RABGAP1: variants seen among roughly 807,000 people sequenced by gnomAD.
RABGAP1 encodes rab GTPase-activating protein 1.
In RABGAP1, 23 loss-of-function variants were observed where a neutral mutation model predicts 137.6. That is an observed-to-expected ratio of 0.17 (90% CI 0.12 to 0.24). RABGAP1 has a LOEUF of 0.24. Among genes scored for constraint, RABGAP1 ranks in the 10% least tolerant of loss-of-function variants. RABGAP1 has a pLI of 1.00. For missense variants in RABGAP1, 906 were observed against 1,275.8 expected, an observed-to-expected ratio of 0.71 and a Z score of 4.42; for synonymous variants, 451 against 450.7, an observed-to-expected ratio of 1.00 and a Z score of -0.01.
chr9:123,065,570 C>A, intron 14 of RABGAP1, 109 bp downstream of exon 14: 1 of 856,076 alleles, frequency 1.2e-6, no homozygotes, highest in East Asian at 2.6e-5. Flanking sequence ...TTCAAGAATT[C>A]CAAAAAGAGA....
At chr9:123,017,515 A>G (rs116128854) in intron 12 of RABGAP1, among the ~76,000 whole-genome samples, 211 of 152,180 alleles carry the variant, frequency 1.4e-3, no homozygotes, top group African/African-American at 4.9e-3. Flanking sequence ...TTTGTGTTCT[A>G]TGGATATGTG....
At chr9:123,006,749 A>G (rs2030310711) in intron 10 of RABGAP1, among the ~76,000 whole-genome samples, 1 of 152,088 alleles carries the variant, frequency 6.6e-6, no homozygotes, top group Non-Finnish European at 1.5e-5. Context: ...CTGGGATTAC[A>G]GGGTTGCACC....
chr9:122,935,369 G>A, the RABGAP1 span, among the ~76,000 whole-genome samples: 1 of 151,230 alleles, frequency 6.6e-6, no homozygotes, highest in African/African-American at 2.4e-5. Context: ...AGACAGTCTC[G>A]CTCTGTCACC....
At position 122,957,225 on chromosome 9, in the gene RABGAP1, C is replaced by A; in HGVS notation, c.150+16C>A. On this transcript the variant is annotated intron_variant, in intron 2 of 25. Transcript: ENST00000373647. The stretch of plus-strand genomic sequence containing the variant: ...AGGACTCAAGGTAAAACTCCCTAAC[C>A]TAAGATTGTTTTGCTTAGCTTTTCT... 1.3e-6 allele frequency: 2 copies of A among 1,493,472 alleles called. No individual in the cohort carries two copies. Among genetic ancestry groups the A allele is most frequent in the South Asian group, 2.8e-5 (2 of 71,984 alleles). The allele number at this position is 1,493,472 out of a possible 1,614,324, so 92.5% of individuals were successfully genotyped here.
chr9:122,946,794 T>G (rs1462021591), intron 1 of RABGAP1, among the ~76,000 whole-genome samples: 1 of 152,202 alleles, frequency 6.6e-6, no homozygotes, highest in Non-Finnish European at 1.5e-5. Flanking sequence ...AAGATTTTTT[T>G]CAGGTGTCAG....
At chr9:122,996,463 T>G in intron 7 of RABGAP1, 76 bp from the exon 8 acceptor site, 1 of 1,385,056 alleles carries the variant, frequency 7.2e-7, no homozygotes, top group Non-Finnish European at 1.0e-6. Flanking sequence ...CAAGAATTTG[T>G]TTTTAAAGTG....
chr9:123,001,880 A>C (rs1162715250), intron 10 of RABGAP1, among the ~76,000 whole-genome samples: 2 of 152,252 alleles, frequency 1.3e-5, no homozygotes, highest in Admixed American at 1.3e-4. Flanking sequence ...GGGACACCAA[A>C]TTAATAAAAA....
At chr9:123,057,791 C>T (rs1249142129) in intron 13 of RABGAP1, among the ~76,000 whole-genome samples, 1 of 152,242 alleles carries the variant, frequency 6.6e-6, no homozygotes, top group Non-Finnish European at 1.5e-5. Context: ...GAGACTCCGT[C>T]TGCAATCCCA....
chr9:123,085,056 A>T (rs1261181418), intron 19 of RABGAP1, among the ~76,000 whole-genome samples: 1 of 152,190 alleles, frequency 6.6e-6, no homozygotes, highest in African/African-American at 2.4e-5. Context: ...CTGATCAGAG[A>T]CCAGCTTCCC....
At chr9:123,072,616 T>C (rs1489236365) in intron 15 of RABGAP1, among the ~76,000 whole-genome samples, 1 of 152,206 alleles carries the variant, frequency 6.6e-6, no homozygotes, top group African/African-American at 2.4e-5. Context: ...CACATCTCCT[T>C]GCATGTGGCA....
chr9:123,005,406 A>T (rs1285760722), intron 10 of RABGAP1, among the ~76,000 whole-genome samples: 2 of 152,106 alleles, frequency 1.3e-5, no homozygotes, highest in Non-Finnish European at 2.9e-5. Flanking sequence ...ATACCCATAG[A>T]TAACAATTAT....
In RABGAP1 at chr9:122,997,334, CA is replaced by C; in HGVS notation, c.1179del (p.Val394LeufsTer2). On this transcript the variant is annotated frameshift_variant, in exon 9 of 26. Coordinates refer to ENST00000373647, the MANE Select transcript of RABGAP1 (RefSeq NM_012197.4). LOFTEE classifies it high-confidence loss of function. ...GSWNPKSPHF[Q>X]VVNEETPKDK... ...CTGGAATCCAAAATCCCCACATTTT[CA>C]AGTTGTAAATGAAGAAACTCCTAAA... is the stretch of plus-strand genomic sequence containing the variant. 6.2e-7 allele frequency: 1 copy of C among 1,609,902 alleles called. No homozygotes were observed.
chr9:123,061,371 T>A (rs968243128), intron 13 of RABGAP1, among the ~76,000 whole-genome samples: 1 of 152,212 alleles, frequency 6.6e-6, no homozygotes, highest in Non-Finnish European at 1.5e-5. Context: ...CGCCTCGGCC[T>A]CCCAAAGTGC....
intron 6 of RABGAP1, 107 bp downstream of exon 6, chr9:122,990,320 CT>C: frequency 3.0e-6 from 3 of 997,508 alleles, no homozygotes; most frequent in Non-Finnish European, 4.1e-6. Context: ...AAAGGGAGGG[CT>C]TTTAAAAAAA....
intron 2 of RABGAP1, among the ~76,000 whole-genome samples, chr9:122,968,293 G>A (rs1032710312): frequency 2.1e-5 from 3 of 143,990 alleles, no homozygotes; most frequent in African/African-American, 7.7e-5. Flanking sequence ...TGCAATCTCA[G>A]CTCACTGCAA....
At chr9:123,056,292 T>A (rs2033690705) in intron 13 of RABGAP1, among the ~76,000 whole-genome samples, 1 of 152,220 alleles carries the variant, frequency 6.6e-6, no homozygotes, top group Admixed American at 6.5e-5. Context: ...TGCAATTTTT[T>A]GCAACTTTAG....
chr9:123,068,183 C>G (rs886082485), intron 14 of RABGAP1, among the ~76,000 whole-genome samples: 10 of 151,900 alleles, frequency 6.6e-5, no homozygotes, highest in Non-Finnish European at 1.2e-4. Context: ...AACCCCATCT[C>G]TACTAAAAAT....
chr9:122,947,670 C>G (rs1378029877), intron 1 of RABGAP1, among the ~76,000 whole-genome samples: 1 of 152,102 alleles, frequency 6.6e-6, no homozygotes, highest in Admixed American at 6.5e-5. Flanking sequence ...TCAAATTTGC[C>G]TAAGCGTGAG....
At position 123,006,970 on chromosome 9, in the gene RABGAP1, C is replaced by T. The variant is rs1037000083; in HGVS notation, c.1375-3384C>T. ...GGTCTACCTTCCCTCCTCAAATACT[C>T]CTTTTTGTGGGTTTTCCTGGATTTT... On this transcript the variant is annotated intron_variant, in intron 10 of 25. Transcript: ENST00000373647. 2.6e-5 allele frequency among the ~76,000 whole-genome samples: 4 copies of T among 151,948 alleles called. No individual in the cohort carries two copies. The East Asian group carries it at 7.7e-4, about 29-fold the overall frequency.
Sources: allele counts gnomAD v4.1 joint callset (sites outside exome capture counted in the v4.1 genomes callset), GRCh38; gene constraint gnomAD v4.1.1; transcripts MANE v1.5; gene names NCBI Gene and HGNC (gene_info 2026-07-23, HGNC 2026-07-21).